Variants in C12orf42 observed in about 807,000 individuals in gnomAD.
C12orf42 encodes chromosome 12 open reading frame 42.
In C12orf42, 25 loss-of-function variants were observed where a neutral mutation model predicts 21.6. The observed-to-expected ratio is 1.16, with a 90% CI of 0.84 to 1.62. The LOEUF is 1.62. Ranked by LOEUF, C12orf42 falls within the 40% of genes most tolerant of loss-of-function variation. C12orf42 has a pLI of 0.00. For synonymous variants in C12orf42, 174 were observed against 175.0 expected (o/e 0.99, Z 0.05); for missense variants, 483 against 459.3 (o/e 1.05, Z -0.47).
At position 103,421,929 on chromosome 12, in the gene C12orf42, TAATAAG is replaced by T. The variant is rs1165772938; in HGVS notation, c.79-20260_79-20255del. 1.8e-4 allele frequency among the ~76,000 whole-genome samples: 27 copies of T among 152,294 alleles called. No homozygotes were observed. The East Asian group carries it at 4.8e-3, about 27-fold the overall frequency. ...GTTACATTCATGCTCCAAATAATAA[TAATAAG>T]AATAAGATGGTCAGAAATTATATTA... On this transcript the variant is annotated intron_variant, in intron 2 of 5. Transcript: ENST00000548883.
At chr12:103,319,623 A>G (rs2039884616) in intron 4 of C12orf42, among the ~76,000 whole-genome samples, 1 of 152,240 alleles carries the variant, frequency 6.6e-6, no homozygotes, top group African/African-American at 2.4e-5. Flanking sequence ...GTTTGTAAGT[A>G]TTGTTTCAGA....
chr12:103,270,909 G>C (rs1039251640), intron 5 of C12orf42, among the ~76,000 whole-genome samples: 4 of 152,032 alleles, frequency 2.6e-5, no homozygotes, highest in Non-Finnish European at 5.9e-5. Flanking sequence ...CCTTTCTTCA[G>C]TTATGATAAT....
intron 2 of C12orf42, among the ~76,000 whole-genome samples, chr12:103,415,742 A>G (rs1009184147): frequency 1.3e-5 from 2 of 152,164 alleles, no homozygotes; most frequent in African/African-American, 4.8e-5. Flanking sequence ...ACAGGAGTAA[A>G]TGTGCCAAAA....
chr12:103,131,580 A>G, the C12orf42 span, among the ~76,000 whole-genome samples: 1 of 152,338 alleles, frequency 6.6e-6, no homozygotes, highest in East Asian at 1.9e-4. Flanking sequence ...TCTTTGAATT[A>G]TCTGAATTAT....
chr12:103,529,208 C>T, the C12orf42 span, among the ~76,000 whole-genome samples: 3 of 152,202 alleles, frequency 2.0e-5, no homozygotes, highest in East Asian at 5.8e-4. Flanking sequence ...TGAACAGTAG[C>T]ACAAGATCTC....
chr12:103,273,024 T>C (rs1197003315), intron 5 of C12orf42, among the ~76,000 whole-genome samples: 1 of 152,240 alleles, frequency 6.6e-6, no homozygotes, highest in Non-Finnish European at 1.5e-5. Context: ...GCTACCTGTG[T>C]GTTCCCTCAT....
chr12:103,316,329 C>G (rs1333214580), intron 4 of C12orf42, among the ~76,000 whole-genome samples: 1 of 151,666 alleles, frequency 6.6e-6, no homozygotes, highest in Non-Finnish European at 1.5e-5. Flanking sequence ...AAACACCAAC[C>G]CAGAATTCTA....
the C12orf42 span, among the ~76,000 whole-genome samples, chr12:103,540,623 G>T: frequency 6.6e-6 from 1 of 152,016 alleles, no homozygotes; most frequent in South Asian, 2.1e-4. Context: ...GCTTTCCTGT[G>T]GCCTGCTATA....
chr12:103,494,647 CT>C (rs1025427178), intron 1 of C12orf42, among the ~76,000 whole-genome samples: 4 of 152,062 alleles, frequency 2.6e-5, no homozygotes, highest in African/African-American at 9.7e-5. Flanking sequence ...TGTCTTCAGA[CT>C]TTTTTTTCCT....
chr12:103,189,373 T>C, the C12orf42 span, among the ~76,000 whole-genome samples: 1,643 of 152,300 alleles, frequency 0.011, 25 homozygotes, highest in African/African-American at 0.037. Context: ...TATTGGGAGA[T>C]GTCAGCAGGA....
chr12:103,413,002 C>T (rs909391386), intron 2 of C12orf42, among the ~76,000 whole-genome samples: 3 of 152,058 alleles, frequency 2.0e-5, no homozygotes, highest in African/African-American at 7.2e-5. Flanking sequence ...GTTGCAATTG[C>T]TTTTGGAAAC....
intron 3 of C12orf42, among the ~76,000 whole-genome samples, chr12:103,372,113 C>A (rs539889781): frequency 6.6e-6 from 1 of 152,200 alleles, no homozygotes; most frequent in African/African-American, 2.4e-5. Context: ...CTATGCACAG[C>A]CGTTTCCTGT....
In C12orf42 at chr12:103,445,774, T is replaced by C. The variant is rs189885813; in HGVS notation, c.78+32575A>G. On this transcript the variant is annotated intron_variant, in intron 2 of 5. Transcript: ENST00000548883. ...TTAAGTACTATACTTATCAAGACCTTTCTTTATAGTTAGTACTCTTTGGGT... is the reference window on the plus strand; with the variant it reads ...TTAAGTACTATACTTATCAAGACCTCTCTTTATAGTTAGTACTCTTTGGGT... Among the ~76,000 whole-genome samples the C allele has an allele frequency of 4.4e-3, 665 of 152,206 alleles. 5 individuals are homozygous for C. The highest frequency in any genetic ancestry group is 8.3e-3 in the Non-Finnish European group (564 of 67,982).
intron 10 of C12orf42, among the ~76,000 whole-genome samples, chr12:103,246,596 A>T (rs1263539511): frequency 1.3e-5 from 2 of 152,076 alleles, no homozygotes; most frequent in Admixed American, 1.3e-4. Flanking sequence ...AAACATTCCA[A>T]ATATTGGAAA....
intron 3 of C12orf42, among the ~76,000 whole-genome samples, chr12:103,371,628 G>A (rs1052752348): frequency 3.3e-5 from 5 of 152,160 alleles, no homozygotes; most frequent in African/African-American, 1.2e-4. Context: ...GATTCCAAGA[G>A]AGGGCTTGAG....
In C12orf42 at chr12:103,376,710, T is replaced by C. The variant is rs78990757; in HGVS notation, c.148-7712A>G. ...TTTGTTCTTACATCTCTGAAAACTT[T>C]TATGATCTCTTTGTCACTATTGAAA... On this transcript the variant is annotated intron_variant, in intron 3 of 5. Coordinates refer to ENST00000548883, the MANE Select transcript of C12orf42 (RefSeq NM_198521.5). 1.5e-3 allele frequency among the ~76,000 whole-genome samples: 232 copies of C among 152,322 alleles called. 1 individual carries two copies. Among genetic ancestry groups the C allele is most frequent in the African/African-American group, 5.5e-3 (229 of 41,576 alleles).
intron 2 of C12orf42, among the ~76,000 whole-genome samples, chr12:103,411,295 A>C (rs1462990295): frequency 6.6e-6 from 1 of 152,228 alleles, no homozygotes; most frequent in Non-Finnish European, 1.5e-5. Context: ...AGTTTTAAAA[A>C]ATCATAATCA....
chr12:103,474,835 G>A (rs1303403035), intron 2 of C12orf42, among the ~76,000 whole-genome samples: 1 of 152,162 alleles, frequency 6.6e-6, no homozygotes, highest in African/African-American at 2.4e-5. Context: ...TTCATGAACT[G>A]TGGGAGAAGG....
At chr12:103,208,156 C>G in the C12orf42 span, among the ~76,000 whole-genome samples, 1 of 152,188 alleles carries the variant, frequency 6.6e-6, no homozygotes, top group African/African-American at 2.4e-5. Flanking sequence ...AGTCGGCTAT[C>G]GACTCCAAGC....
Sources: allele counts gnomAD v4.1 joint callset (sites outside exome capture counted in the v4.1 genomes callset), GRCh38; gene constraint gnomAD v4.1.1; transcripts MANE v1.5; gene names NCBI Gene and HGNC (gene_info 2026-07-23, HGNC 2026-07-21).